The following NPAS3 variants were observed in gnomAD, a reference collection of about 807,000 sequenced individuals.
NPAS3 encodes neuronal PAS domain-containing protein 3.
NPAS3 carries 14 observed loss-of-function variants against 73.1 expected under a neutral mutation model. The observed-to-expected ratio is 0.19, with a 90% CI of 0.13 to 0.30. The LOEUF is 0.30. NPAS3 is among the 10% of genes least tolerant of loss of function. The probability of loss-of-function intolerance (pLI) is 1.00; values close to 1 mark genes in which losing one functional copy is unlikely to be tolerated. For missense variants in NPAS3, 1,096 were observed against 1,250.0 expected (o/e 0.88, Z 1.86); for synonymous variants, 620 against 541.5 (o/e 1.14, Z -2.01).
chr14:33,100,178 AC>A (rs200979529), intron 2 of NPAS3, among the ~76,000 whole-genome samples: 2,372 of 152,240 alleles, frequency 0.016, 61 homozygotes, highest in African/African-American at 0.05. Flanking sequence ...TTTATAAGCA[AC>A]CTCTATCTAG....
chr14:33,064,606 G>C (rs76820683), intron 2 of NPAS3, among the ~76,000 whole-genome samples: 6 of 152,154 alleles, frequency 3.9e-5, no homozygotes, highest in Non-Finnish European at 8.8e-5. Context: ...GGGAGTAGTC[G>C]TAGATTAGTT....
intron 2 of NPAS3, among the ~76,000 whole-genome samples, chr14:33,196,836 T>G (rs928579343): frequency 6.6e-6 from 1 of 152,216 alleles, no homozygotes; most frequent in African/African-American, 2.4e-5. Flanking sequence ...TCTCATTTTC[T>G]GCTTGTCATC....
chr14:32,939,141 CACG>C (rs1432720249), upstream of NPAS3: 3,524 of 138,548 alleles, frequency 0.025, 149 homozygotes, highest in East Asian at 0.13. Context: ...CCGCCGCCGC[CACG>C]GCCACGGCCA....
upstream of NPAS3, chr14:32,939,279 G>A: frequency 1.4e-6 from 1 of 701,586 alleles, no homozygotes; most frequent in African/African-American, 1.9e-5. Context: ...AGGGGGGAGA[G>A]AGGCAAAAAG....
chr14:33,152,727 T>C (rs1445804617), intron 2 of NPAS3, among the ~76,000 whole-genome samples: 4 of 152,128 alleles, frequency 2.6e-5, no homozygotes, highest in African/African-American at 9.7e-5. Context: ...ATTCTGATGA[T>C]TGTTTACATG....
intron 3 of NPAS3, among the ~76,000 whole-genome samples, chr14:33,246,715 G>A (rs565163256): frequency 4.3e-4 from 65 of 151,186 alleles, no homozygotes; most frequent in African/African-American, 1.6e-3. Context: ...TAGGCAGGCC[G>A]GGCATGGTGG....
At chr14:33,779,839 C>A (rs1043632572) in intron 9 of NPAS3, among the ~76,000 whole-genome samples, 1 of 152,210 alleles carries the variant, frequency 6.6e-6, no homozygotes, top group African/African-American at 2.4e-5. Flanking sequence ...CACGGCTGTA[C>A]ATGCAAGGTG....
rs868640958 is a variant in NPAS3 at position 33,095,671 on chromosome 14, T to A, written c.140+39677T>A. Reference sequence around the variant, plus strand: ...GGCATTCTCTGCTTTTATTTTTTTATTTTTTTTTTTTTTTTGAGAGGGAGT... The same window carrying A: ...GGCATTCTCTGCTTTTATTTTTTTAATTTTTTTTTTTTTTTGAGAGGGAGT... On this transcript the variant is annotated intron_variant, in intron 2 of 11. Transcript: ENST00000356141. 2.1e-4 allele frequency among the ~76,000 whole-genome samples: 28 copies of A among 133,464 alleles called. No homozygotes were observed. The East Asian group carries it at 3.5e-3, about 17-fold the overall frequency. The allele number at this position is 133,464 out of a possible 152,430, so 87.6% of individuals were successfully genotyped here.
In NPAS3 at chr14:32,975,301, C is replaced by CCTCCCTTCCTCCGCCA. The variant is rs10639233; in HGVS notation, c.50+35941_50+35942insTCCTCCGCCACTCCCT. The stretch of plus-strand genomic sequence containing the variant: ...TGCCCTTCTATTCCTTCCCTCCCTC[C>CCTCCCTTCCTCCGCCA]CTCCCTGCCTCCGTCACTCCCTGCC... On this transcript the variant is annotated intron_variant, in intron 1 of 11. Transcript: ENST00000356141. Among the ~76,000 whole-genome samples the CCTCCCTTCCTCCGCCA allele has an allele frequency of 2.3e-4, 27 of 116,292 alleles. 1 individual carries two copies. The South Asian group carries it at 8.5e-3, about 36-fold the overall frequency. The allele number at this position is 116,292 out of a possible 152,430, so 76.3% of individuals were successfully genotyped here.
rs545158578 is a variant in NPAS3, at chr14:33,188,264, C to T, written c.141-26918C>T. 1.7e-4 allele frequency among the ~76,000 whole-genome samples: 26 copies of T among 152,324 alleles called. 2 individuals carry two copies. The highest frequency in any genetic ancestry group is 1.6e-3 in the Admixed American group (24 of 15,304). On this transcript the variant is annotated intron_variant, in intron 2 of 11. Coordinates refer to ENST00000356141, the Ensembl canonical transcript of NPAS3. ...TCTCTTATTGTGTCATTCTTTAATG[C>T]TGTCTCTTCCACAGAAAGGAAGATT... is the stretch of plus-strand genomic sequence containing the variant.
chr14:33,559,059 C>T (rs929771421), intron 4 of NPAS3, among the ~76,000 whole-genome samples: 1 of 152,170 alleles, frequency 6.6e-6, no homozygotes, highest in African/African-American at 2.4e-5. Context: ...TGATGATTTA[C>T]ACCATTCATC....
At chr14:33,105,349 G>T (rs1448114625) in intron 2 of NPAS3, among the ~76,000 whole-genome samples, 1 of 152,156 alleles carries the variant, frequency 6.6e-6, no homozygotes, top group African/African-American at 2.4e-5. Flanking sequence ...AACTGAGTAA[G>T]ATAAATGTGG....
At chr14:33,329,665 G>A (rs951266179) in intron 3 of NPAS3, among the ~76,000 whole-genome samples, 7 of 152,054 alleles carry the variant, frequency 4.6e-5, no homozygotes, top group Admixed American at 1.3e-4. Context: ...GTAGGCAGGG[G>A]CATGATCCTT....
At chr14:33,110,920 C>T (rs571330732) in intron 2 of NPAS3, among the ~76,000 whole-genome samples, 1 of 152,256 alleles carries the variant, frequency 6.6e-6, no homozygotes, top group South Asian at 2.1e-4. Context: ...GAAGCAGGCA[C>T]TACCCACAGG....
At chr14:33,494,522 C>G (rs1053463817) in intron 4 of NPAS3, among the ~76,000 whole-genome samples, 2 of 152,024 alleles carry the variant, frequency 1.3e-5, no homozygotes, top group African/African-American at 4.8e-5. Context: ...ATTTGGGGAC[C>G]AGGCTGTGAA....
chr14:33,542,586 G>T (rs921126749), intron 4 of NPAS3, among the ~76,000 whole-genome samples: 9 of 152,008 alleles, frequency 5.9e-5, no homozygotes, highest in Non-Finnish European at 4.4e-5. Context: ...TTTCAATAAA[G>T]TGGCAATCCC....
chr14:33,309,418 G>T (rs1340926609), intron 3 of NPAS3, among the ~76,000 whole-genome samples: 1 of 152,146 alleles, frequency 6.6e-6, no homozygotes, highest in Non-Finnish European at 1.5e-5. Context: ...TATATTTAAT[G>T]CTGTTTAAAA....
intron 3 of NPAS3, among the ~76,000 whole-genome samples, chr14:33,365,295 G>A (rs1311364106): frequency 6.8e-6 from 1 of 147,396 alleles, no homozygotes; most frequent in African/African-American, 2.5e-5. Flanking sequence ...TCTAGAAACT[G>A]AAAACAGTAT....
chr14:33,144,552 A>T (rs1046853169), intron 2 of NPAS3, among the ~76,000 whole-genome samples: 3 of 151,972 alleles, frequency 2.0e-5, no homozygotes, highest in African/African-American at 7.3e-5. Flanking sequence ...GATGATTATT[A>T]TTTTTTTGAG....
Sources: gnomAD v4.1 joint callset for allele counts (sites outside exome capture counted in the v4.1 genomes callset) on GRCh38, gnomAD v4.1.1 for gene constraint, MANE v1.5 for transcripts, NCBI Gene and HGNC (gene_info 2026-07-23, HGNC 2026-07-21) for gene names.